The following KCNH5 variants were observed in gnomAD, a reference collection of about 807,000 sequenced individuals.
KCNH5 encodes the protein potassium voltage-gated channel subfamily H member 5, also known as voltage-gated delayed rectifier potassium channel KCNH5.
A neutral mutation model predicts 96.1 loss-of-function variants in KCNH5; 46 were observed. That is an observed-to-expected ratio of 0.48 (90% CI 0.38 to 0.61). The LOEUF (loss-of-function observed/expected upper bound fraction) is 0.61. Among genes scored for constraint, KCNH5 ranks in the 20% least tolerant of loss-of-function variants. The pLI, the probability that KCNH5 is intolerant of heterozygous loss-of-function variation, is 0.00. For missense variants in KCNH5, 907 were observed against 1,225.8 expected (o/e 0.74, Z 3.88); for synonymous variants, 439 against 449.8 (o/e 0.98, Z 0.30).
At chr14:62,844,547 T>C (rs114494671) in intron 8 of KCNH5, among the ~76,000 whole-genome samples, 1,972 of 152,286 alleles carry the variant, frequency 0.013, 41 homozygotes, top group African/African-American at 0.045. Flanking sequence ...CACCCATTTC[T>C]TCTTCCTTCA....
rs1353615940 is a variant in KCNH5 at position 62,706,994 on chromosome 14, C to A, written c.*514G>T. On this transcript the variant is annotated 3_prime_UTR_variant, in exon 11 of 11. Transcript: ENST00000322893. The stretch of plus-strand genomic sequence containing the variant: ...AGTCATTTAAATGGAGCAAACACTG[C>A]CTGTAGGGGAAAAGAACCTAACACT... 6.6e-6 allele frequency: 1 copy of A among 152,152 alleles called. No homozygotes were observed. The highest frequency in any genetic ancestry group is 1.9e-4 in the East Asian group (1 of 5,196). 9.4% of individuals were successfully genotyped at this position (152,152 alleles called of 1,614,324 possible). A position where few individuals can be genotyped will look rare whatever the true frequency, so the allele number is the denominator to read the frequency against.
chr14:62,939,613 C>A (rs1290988614), intron 7 of KCNH5, among the ~76,000 whole-genome samples: 1 of 152,132 alleles, frequency 6.6e-6, no homozygotes, highest in African/African-American at 2.4e-5. Flanking sequence ...CCCACATATT[C>A]ATTAATTCAC....
intron 8 of KCNH5, among the ~76,000 whole-genome samples, chr14:62,808,238 T>G (rs1886808389): frequency 6.6e-6 from 1 of 152,110 alleles, no homozygotes; most frequent in South Asian, 2.1e-4. Context: ...TTTTTTTGTG[T>G]GTAAAGGGTG....
At chr14:62,806,208 C>G (rs895038474) in intron 8 of KCNH5, among the ~76,000 whole-genome samples, 1 of 152,132 alleles carries the variant, frequency 6.6e-6, no homozygotes, top group Non-Finnish European at 1.5e-5. Flanking sequence ...GAATAACCCA[C>G]CCCCTGTTTA....
At chr14:62,944,808 G>T (rs1889855608) in intron 7 of KCNH5, among the ~76,000 whole-genome samples, 1 of 152,024 alleles carries the variant, frequency 6.6e-6, no homozygotes, top group Admixed American at 6.6e-5. Flanking sequence ...AAATTTAAAG[G>T]TATCTCCCTG....
chr14:62,776,078 C>A (rs1036551651), intron 10 of KCNH5, among the ~76,000 whole-genome samples: 3 of 152,052 alleles, frequency 2.0e-5, no homozygotes, highest in African/African-American at 7.2e-5. Flanking sequence ...ACCAGCCTGA[C>A]CAACATGGTG....
intron 2 of KCNH5, among the ~76,000 whole-genome samples, chr14:63,007,277 A>C (rs539980398): frequency 6.6e-6 from 1 of 152,260 alleles, no homozygotes; most frequent in Admixed American, 6.6e-5. Flanking sequence ...TAGTACATTG[A>C]TCACAATAGT....
chr14:63,008,175 T>C (rs1162822794), intron 2 of KCNH5, among the ~76,000 whole-genome samples: 1 of 152,128 alleles, frequency 6.6e-6, no homozygotes, highest in Non-Finnish European at 1.5e-5. Context: ...AGTTCACATA[T>C]TTACTAGAGG....
chr14:62,997,626 T>G (rs1890930084), intron 4 of KCNH5, among the ~76,000 whole-genome samples: 1 of 152,072 alleles, frequency 6.6e-6, no homozygotes, highest in African/African-American at 2.4e-5. Flanking sequence ...TAGAGGATTT[T>G]GAATCTATAT....
At chr14:62,863,966 A>T (rs1888085764) in intron 7 of KCNH5, among the ~76,000 whole-genome samples, 1 of 152,064 alleles carries the variant, frequency 6.6e-6, no homozygotes, top group Admixed American at 6.6e-5. Context: ...CCTCCTTTCT[A>T]TTTACATCCC....
At chr14:62,828,143 A>AT (rs982610517) in intron 8 of KCNH5, among the ~76,000 whole-genome samples, 3 of 151,724 alleles carry the variant, frequency 2.0e-5, no homozygotes, top group African/African-American at 4.8e-5. Context: ...TTCTATACTG[A>AT]TTTTTTTGGA....
intron 1 of KCNH5, among the ~76,000 whole-genome samples, chr14:63,033,177 T>C (rs1400673959): frequency 2.0e-5 from 3 of 152,172 alleles, no homozygotes; most frequent in Non-Finnish European, 4.4e-5. Context: ...TTTACGGAAG[T>C]AGCTTTTGGG....
rs552662860 is a variant in KCNH5 at position 62,768,018 on chromosome 14, A to G, written c.2019+11710T>C. On this transcript the variant is annotated intron_variant, in intron 10 of 10. Coordinates refer to ENST00000322893, the MANE Select transcript of KCNH5 (RefSeq NM_139318.5). ...GTAGCTAAGTAATGTGTGTACATGA[A>G]CCTAGAGTGTGGCATGATAGACATT... 2.2e-4 allele frequency among the ~76,000 whole-genome samples: 34 copies of G among 152,068 alleles called. 1 individual carries two copies. Among genetic ancestry groups the G allele is most frequent in the African/African-American group, 7.7e-4 (32 of 41,474 alleles).
At chr14:62,877,471 CT>C (rs1888398806) in intron 7 of KCNH5, among the ~76,000 whole-genome samples, 1 of 152,146 alleles carries the variant, frequency 6.6e-6, no homozygotes, top group Non-Finnish European at 1.5e-5. Context: ...TATCCAGAAT[CT>C]ACAATGAACT....
In KCNH5 at chr14:62,797,148, T is replaced by C. The variant is rs145678236; in HGVS notation, c.1822+5181A>G. Among the ~76,000 whole-genome samples, 1,013 of 152,196 alleles carry C rather than the reference T, an allele frequency of 6.7e-3. 12 individuals are homozygous for C. Among genetic ancestry groups the C allele is most frequent in the African/African-American group, 0.022 (915 of 41,524 alleles). ...ATAGGATTAAAAGATATCAAGGGGA[T>C]AGGATAAATTAGTTTTGAAGGATGA... On this transcript the variant is annotated intron_variant, in intron 9 of 10. Transcript: ENST00000322893.
At chr14:62,937,680 T>C (rs960869101) in intron 7 of KCNH5, among the ~76,000 whole-genome samples, 1 of 152,130 alleles carries the variant, frequency 6.6e-6, no homozygotes, top group Non-Finnish European at 1.5e-5. Context: ...GGAAGAAGAT[T>C]CGTAAGATTG....
At chr14:62,861,594 T>A (rs187772520) in intron 7 of KCNH5, among the ~76,000 whole-genome samples, 78 of 151,822 alleles carry the variant, frequency 5.1e-4, no homozygotes, top group African/African-American at 1.7e-3. Context: ...TTTTTTCCTA[T>A]GTTAAGTTAG....
intron 5 of KCNH5, among the ~76,000 whole-genome samples, chr14:62,986,096 G>A (rs1263130838): frequency 6.6e-6 from 1 of 152,010 alleles, no homozygotes; most frequent in Non-Finnish European, 1.5e-5. Context: ...TGACAACCGT[G>A]GTCATGCTAA....
intron 7 of KCNH5, among the ~76,000 whole-genome samples, chr14:62,883,494 T>C (rs1595669316): frequency 6.6e-6 from 1 of 152,190 alleles, no homozygotes; most frequent in East Asian, 1.9e-4. Flanking sequence ...TCCAGGACAC[T>C]TTAAAATCAG....
Sources: allele counts gnomAD v4.1 joint callset (sites outside exome capture counted in the v4.1 genomes callset), GRCh38; gene constraint gnomAD v4.1.1; transcripts MANE v1.5; gene names NCBI Gene and HGNC (gene_info 2026-07-23, HGNC 2026-07-21).